SLC1A1: variants seen among roughly 807,000 people sequenced by gnomAD.
The protein encoded by SLC1A1 is excitatory amino acid transporter 3.
A neutral mutation model predicts 53.3 loss-of-function variants in SLC1A1; 43 were observed. The observed-to-expected ratio is 0.81, with a 90% CI of 0.63 to 1.04. The LOEUF (loss-of-function observed/expected upper bound fraction) is 1.04. Among genes scored for constraint, SLC1A1 ranks in the 50% least tolerant of loss-of-function variants. The probability of loss-of-function intolerance (pLI) is 0.00; values close to 1 mark genes in which losing one functional copy is unlikely to be tolerated. For missense variants in SLC1A1, 748 were observed against 664.9 expected (o/e 1.12, Z -1.37); for synonymous variants, 307 against 243.2 (o/e 1.26, Z -2.44).
chr9:4,563,359 G>C (rs148615433), intron 3 of SLC1A1, among the ~76,000 whole-genome samples: 2 of 152,274 alleles, frequency 1.3e-5, no homozygotes, highest in African/African-American at 4.8e-5. Flanking sequence ...TCCTGAGGAA[G>C]ACAGACACAG....
At chr9:4,497,124 A>AT (rs998239595) in intron 1 of SLC1A1, among the ~76,000 whole-genome samples, 6 of 23,214 alleles carry the variant, frequency 2.6e-4, no homozygotes, top group Non-Finnish European at 1.1e-3. Flanking sequence ...GGGTGGTTTT[A>AT]AAAAACAGAA....
chr9:4,503,386 G>C (rs1041044669), intron 1 of SLC1A1, among the ~76,000 whole-genome samples: 8 of 151,884 alleles, frequency 5.3e-5, no homozygotes, highest in Admixed American at 4.6e-4. Flanking sequence ...ACTGATAAGA[G>C]AAGCAGAGTC....
At chr9:4,492,985 G>T (rs1820289909) in intron 1 of SLC1A1, among the ~76,000 whole-genome samples, 1 of 152,152 alleles carries the variant, frequency 6.6e-6, no homozygotes, top group African/African-American at 2.4e-5. Flanking sequence ...AAGGTTTTAA[G>T]CAATTGTTCC....
At chr9:4,550,333 A>G (rs1267193139) in intron 2 of SLC1A1, among the ~76,000 whole-genome samples, 1 of 152,152 alleles carries the variant, frequency 6.6e-6, no homozygotes, top group Admixed American at 6.5e-5. Context: ...TCATGTTAGG[A>G]TTTCAAAATT....
chr9:4,531,191 G>A lies in SLC1A1; in HGVS notation c.92-13376G>A, dbSNP rs371208539. Among the ~76,000 whole-genome samples, 27 of 152,356 alleles carry A rather than the reference G, an allele frequency of 1.8e-4. 1 individual carries two copies. The highest frequency in any genetic ancestry group is 1.2e-3 in the East Asian group (6 of 5,174). On this transcript the variant is annotated intron_variant, in intron 1 of 11. Transcript: ENST00000262352. ...GAGATACCAGGTTCATCTCACTGGG[G>A]AGTGTCGGAAAGTGGGTGCAGGACA...
rs1261428236 is a variant in SLC1A1, at chr9:4,572,335, T to A, written c.714T>A (p.Asp238Glu). The A allele has an allele frequency of 6.2e-7, 1 of 1,614,074 alleles. No homozygotes were observed. Among genetic ancestry groups the A allele is most frequent in the East Asian group, 2.2e-5 (1 of 44,896 alleles). Residue 238 changes from aspartate (D) to glutamate (E), a missense_variant, in exon 7 of 12, where the codon GAT becomes GAA. Physicochemically the swap from Asp to Glu is conservative, Grantham distance 45 (BLOSUM62 2). Coordinates refer to ENST00000262352, the MANE Select transcript of SLC1A1 (RefSeq NM_004170.6). Reference protein sequence around the residue: ...KMGEKGQILVDFFNALSDATM... With the variant: ...KMGEKGQILVEFFNALSDATM... ...GAGAAAAGGGACAAATTCTGGTGGA[T>A]TTCTTCAATGCTTTGAGTGATGCAA...
chr9:4,544,419 A>G, intron 1 of SLC1A1, 148 bp from the exon 2 acceptor site: 1 of 718,872 alleles, frequency 1.4e-6, no homozygotes, highest in East Asian at 2.6e-5. Flanking sequence ...ATATAATTTC[A>G]GTCTAGATTT....
intron 7 of SLC1A1, among the ~76,000 whole-genome samples, chr9:4,572,897 T>A (rs572985572): frequency 2.0e-5 from 3 of 152,298 alleles, no homozygotes; most frequent in African/African-American, 7.2e-5. Flanking sequence ...AGTTAGTTCA[T>A]GAACAGAAGT....
At position 4,549,613 on chromosome 9, in the gene SLC1A1, G is replaced by C. The variant is rs957094805; in HGVS notation, c.232+4906G>C. ...CCCAGAACCTGACACCAAGTTCTAA[G>C]AAGGAAAAATTCCGCTATCACACAG... On this transcript the variant is annotated intron_variant, in intron 2 of 11. Transcript: ENST00000262352. This position sits in a 1 kb window ranked among gnomAD's most constrained non-coding sequence, Gnocchi z 4.1. Among the ~76,000 whole-genome samples the C allele has an allele frequency of 1.3e-5, 2 of 152,154 alleles. No individual in the cohort carries two copies. Among genetic ancestry groups the C allele is most frequent in the African/African-American group, 2.4e-5 (1 of 41,428 alleles).
At chr9:4,516,865 T>C (rs1340973478) in intron 1 of SLC1A1, among the ~76,000 whole-genome samples, 2 of 152,218 alleles carry the variant, frequency 1.3e-5, no homozygotes, top group African/African-American at 4.8e-5. Context: ...AGGGCTTTCA[T>C]GGTGTGCCCC....
chr9:4,578,029 C>T lies in SLC1A1; in HGVS notation c.1193+1266C>T, dbSNP rs903650043. Reference sequence around the variant, plus strand: ...AATTGGTGGGTGGGGCTTACCAGAACAGGAACGAGTGTAAGAGAAGCACAT... The same window carrying T: ...AATTGGTGGGTGGGGCTTACCAGAATAGGAACGAGTGTAAGAGAAGCACAT... On this transcript the variant is annotated intron_variant, in intron 10 of 11. Coordinates refer to ENST00000262352, the MANE Select transcript of SLC1A1 (RefSeq NM_004170.6). Among the ~76,000 whole-genome samples, 7 of 152,166 alleles carry T rather than the reference C, an allele frequency of 4.6e-5. No homozygotes were observed. In the East Asian group the frequency reaches 1.2e-3, roughly 25 times the overall value.
intron 4 of SLC1A1, 118 bp from the exon 5 acceptor site, chr9:4,565,929 G>T: frequency 1.2e-6 from 1 of 825,642 alleles, no homozygotes; most frequent in African/African-American, 1.7e-5. Flanking sequence ...GCAAAGCAGG[G>T]GCCAGAAGAG....
intron 1 of SLC1A1, among the ~76,000 whole-genome samples, chr9:4,512,551 G>T (rs879727046): frequency 6.6e-6 from 1 of 151,862 alleles, no homozygotes; most frequent in South Asian, 2.1e-4. Context: ...GAAAGATAAA[G>T]GCATTAGAAG....
At chr9:4,567,596 T>C in intron 5 of SLC1A1, 73 bp from the exon 6 acceptor site, 6 of 915,518 alleles carry the variant, frequency 6.6e-6, no homozygotes, top group Middle Eastern at 2.1e-4. Flanking sequence ...AACATGTTCC[T>C]GTGATTTAGT....
At chr9:4,537,830 C>T (rs1481921471) in intron 1 of SLC1A1, among the ~76,000 whole-genome samples, 2 of 151,820 alleles carry the variant, frequency 1.3e-5, no homozygotes, top group African/African-American at 2.4e-5. Flanking sequence ...AATGGAAATA[C>T]TGGAACTAGA....
chr9:4,536,014 C>G (rs529911621), intron 1 of SLC1A1, among the ~76,000 whole-genome samples: 3,647 of 152,168 alleles, frequency 0.024, 152 homozygotes, highest in African/African-American at 0.085. Flanking sequence ...AAACTGGATC[C>G]CTTCCTTACA....
intron 1 of SLC1A1, among the ~76,000 whole-genome samples, chr9:4,497,922 T>C (rs1323176150): frequency 6.6e-6 from 1 of 152,246 alleles, no homozygotes; most frequent in Non-Finnish European, 1.5e-5. Context: ...TTCATGCATC[T>C]ATTACCACTT....
At position 4,537,908 on chromosome 9, in the gene SLC1A1, TTTATG is replaced by T. The variant is rs910384833; in HGVS notation, c.92-6654_92-6650del. 3.3e-5 allele frequency among the ~76,000 whole-genome samples: 5 copies of T among 152,124 alleles called. No individual in the cohort carries two copies. In the East Asian group the frequency reaches 5.8e-4, roughly 18 times the overall value. ...AATTATATACTTTAAAATGGTAAAT[TTTATG>T]TTATATGAATTTGATCTCAAAAAAA... On this transcript the variant is annotated intron_variant, in intron 1 of 11. Transcript: ENST00000262352.
intron 2 of SLC1A1, among the ~76,000 whole-genome samples, chr9:4,544,981 C>G (rs56381815): frequency 6.6e-6 from 1 of 152,106 alleles, no homozygotes; most frequent in African/African-American, 2.4e-5. Context: ...CTCACTATCA[C>G]GAGAACAGCA....
Sources: gnomAD v4.1 joint callset for allele counts (sites outside exome capture counted in the v4.1 genomes callset) on GRCh38, gnomAD v4.1.1 for gene constraint, Gnocchi (gnomAD v3.1) non-coding constraint, MANE v1.5 for transcripts, NCBI Gene and HGNC (gene_info 2026-07-23, HGNC 2026-07-21) for gene names.